The following MGARP variants were observed in gnomAD, a reference collection of about 807,000 sequenced individuals.
MGARP encodes the protein mitochondria localized glutamic acid rich protein.
In MGARP, 12 loss-of-function variants were observed where a neutral mutation model predicts 11.0. The observed-to-expected ratio is 1.09, with a 90% CI of 0.70 to 1.77. The LOEUF is 1.77. MGARP is among the 40% of genes most tolerant of loss of function. MGARP has a pLI of 0.00. For missense variants in MGARP, 283 were observed against 297.8 expected (o/e 0.95, Z 0.36); for synonymous variants, 110 against 115.4 (o/e 0.95, Z 0.30).
intron 2 of MGARP, among the ~76,000 whole-genome samples, chr4:139,270,411 C>T (rs543779329): frequency 6.6e-6 from 1 of 151,104 alleles, no homozygotes; most frequent in Non-Finnish European, 1.5e-5. Context: ...AGATGGAGAC[C>T]ATCCTGGCTA....
Position 139,280,096 on chromosome 4 carries a change from G to A in MGARP, c.63C>T (p.Pro21=). ...ACTCACCGTCCTTTCCGAGCGGCGC[G>A]GGGTTGGGGGGCGCCCTCAGCGGCA... ...LALPLRAPPN[P]APLGKDASLR... The change falls in exon 1 of 4, where the codon CCC becomes CCT. Residue 21 remains proline (P), a synonymous_variant. Coordinates refer to ENST00000398955, the MANE Select transcript of MGARP (RefSeq NM_032623.4). 3 of 1,612,286 alleles carry A rather than the reference G, an allele frequency of 1.9e-6. No homozygotes were observed. The highest frequency in any genetic ancestry group is 2.5e-6 in the Non-Finnish European group (3 of 1,179,792).
chr4:139,275,794 A>G (rs1005073843), intron 1 of MGARP, among the ~76,000 whole-genome samples: 3 of 152,262 alleles, frequency 2.0e-5, no homozygotes, highest in African/African-American at 7.2e-5. Context: ...CAGTATGTTT[A>G]TACCTAAAAT....
At chr4:139,273,285 T>A (rs1744814480) in intron 2 of MGARP, among the ~76,000 whole-genome samples, 1 of 152,042 alleles carries the variant, frequency 6.6e-6, no homozygotes, top group African/African-American at 2.4e-5. Flanking sequence ...AGTGGTGCAA[T>A]CTCAGCTCAC....
chr4:139,272,632 A>G (rs934718524), intron 2 of MGARP, among the ~76,000 whole-genome samples: 22 of 149,618 alleles, frequency 1.5e-4, no homozygotes, highest in African/African-American at 4.9e-4. Flanking sequence ...GCCATCTTAC[A>G]TAGTCCTATG....
At chr4:139,276,186 T>C (rs1277314515) in intron 1 of MGARP, among the ~76,000 whole-genome samples, 2 of 152,222 alleles carry the variant, frequency 1.3e-5, no homozygotes, top group East Asian at 3.8e-4. Context: ...TAAACACATT[T>C]ATGTATTCTT....
chr4:139,277,339 G>GA (rs869225800), intron 1 of MGARP, among the ~76,000 whole-genome samples: 1 of 152,074 alleles, frequency 6.6e-6, no homozygotes, highest in Non-Finnish European at 1.5e-5. Flanking sequence ...CCGTTTCTTG[G>GA]AAAAAAATTT....
At chr4:139,276,630 T>C (rs1744878519) in intron 1 of MGARP, among the ~76,000 whole-genome samples, 2 of 152,164 alleles carry the variant, frequency 1.3e-5, no homozygotes, top group African/African-American at 4.8e-5. Context: ...GAGGATCACT[T>C]GAGCCCAGGA....
At chr4:139,277,975 C>T (rs1260797614) in intron 1 of MGARP, among the ~76,000 whole-genome samples, 1 of 152,058 alleles carries the variant, frequency 6.6e-6, no homozygotes. Flanking sequence ...CACCTGTAAT[C>T]CCAGCACTTT....
chr4:139,269,414 A>C (rs567004323), intron 2 of MGARP, among the ~76,000 whole-genome samples: 104 of 152,100 alleles, frequency 6.8e-4, no homozygotes, highest in African/African-American at 2.4e-3. Context: ...GGATCACCTG[A>C]AGTCAGGAGT....
At chr4:139,270,226 G>C (rs573339750) in intron 2 of MGARP, among the ~76,000 whole-genome samples, 1 of 150,398 alleles carries the variant, frequency 6.6e-6, no homozygotes, top group South Asian at 2.1e-4. Flanking sequence ...CTTGAACCCT[G>C]TAGGCAGAGG....
At chr4:139,279,259 C>T (rs891873564) in intron 1 of MGARP, among the ~76,000 whole-genome samples, 2 of 152,188 alleles carry the variant, frequency 1.3e-5, no homozygotes, top group South Asian at 4.1e-4. Flanking sequence ...TACTATGTTC[C>T]CAGCACTATA....
intron 2 of MGARP, among the ~76,000 whole-genome samples, chr4:139,274,042 A>G (rs1180293861): frequency 3.3e-5 from 5 of 152,234 alleles, no homozygotes; most frequent in African/African-American, 7.2e-5. Context: ...TTTTTTAGAA[A>G]CTTATGAACA....
chr4:139,270,607 T>TTAAA (rs1744765049), intron 2 of MGARP, among the ~76,000 whole-genome samples: 1 of 66,900 alleles, frequency 1.5e-5, no homozygotes. Context: ...AGACCGCGTC[T>TTAAA]GAAAAAAAAA....
At chr4:139,274,690 C>T (rs1184593869) in intron 2 of MGARP, among the ~76,000 whole-genome samples, 1 of 152,096 alleles carries the variant, frequency 6.6e-6, no homozygotes, top group East Asian at 1.9e-4. Context: ...CTCATGTTGG[C>T]CAGGCAGGCC....
chr4:139,267,265 CT>C (rs1744712700), intron 3 of MGARP, among the ~76,000 whole-genome samples: 2 of 152,054 alleles, frequency 1.3e-5, no homozygotes, highest in Admixed American at 1.3e-4. Flanking sequence ...AGTTGTATGC[CT>C]AGATAATTGT....
rs766561025 is a variant in MGARP at position 139,266,548 on chromosome 4, C to T, written c.*51G>A. 1 of 1,495,316 alleles carries T rather than the reference C, an allele frequency of 6.7e-7. No individual in the cohort carries two copies. Among genetic ancestry groups the T allele is most frequent in the Non-Finnish European group, 9.0e-7 (1 of 1,106,666 alleles). The allele number at this position is 1,495,316 out of a possible 1,614,324, so 92.6% of individuals were successfully genotyped here. On this transcript the variant is annotated 3_prime_UTR_variant, in exon 4 of 4. Coordinates refer to ENST00000398955, the MANE Select transcript of MGARP (RefSeq NM_032623.4). ...TAAGTGTACTAAAAACACAAAAGCA[C>T]TTATCAGACACCCTATGGCATTTGT...
intron 2 of MGARP, 61 bp downstream of exon 2, chr4:139,275,228 G>T: frequency 7.2e-7 from 1 of 1,393,110 alleles, no homozygotes; most frequent in Non-Finnish European, 1.0e-6. Flanking sequence ...GTTGCTTTGA[G>T]CTTTACCATG....
intron 1 of MGARP, among the ~76,000 whole-genome samples, chr4:139,275,915 C>T (rs560010741): frequency 6.6e-6 from 1 of 152,026 alleles, no homozygotes; most frequent in African/African-American, 2.4e-5. Flanking sequence ...CAATTTTTCT[C>T]TTATAAAGCA....
intron 2 of MGARP, 101 bp from the exon 3 acceptor site, chr4:139,268,866 T>C: frequency 1.2e-6 from 1 of 800,584 alleles, no homozygotes; most frequent in Non-Finnish European, 2.0e-6. Flanking sequence ...CCATTAGAAG[T>C]TTAAACCATA....
Sources: allele counts gnomAD v4.1 joint callset (sites outside exome capture counted in the v4.1 genomes callset), GRCh38; gene constraint gnomAD v4.1.1; transcripts MANE v1.5; gene names NCBI Gene and HGNC (gene_info 2026-07-23, HGNC 2026-07-21).